The following LINGO2 variants were observed in gnomAD, a reference collection of about 807,000 sequenced individuals.
LINGO2 encodes the protein leucine rich repeat and Ig domain containing 2, also known as leucine-rich repeat and immunoglobulin-like domain-containing nogo receptor-interacting protein 2.
Under a neutral mutation model 30.6 loss-of-function variants are expected in LINGO2, and 14 were observed. The ratio of observed to expected loss-of-function variants is 0.46; its 90% CI spans 0.30 to 0.72. LINGO2 has a LOEUF of 0.72. LINGO2 is among the 30% of genes least tolerant of loss of function. The probability of loss-of-function intolerance (pLI) is 0.07; values close to 1 mark genes in which losing one functional copy is unlikely to be tolerated. For missense variants in LINGO2, 729 were observed against 751.7 expected (o/e 0.97, Z 0.35); for synonymous variants, 317 against 288.5 (o/e 1.10, Z -1.00).
At chr9:28,799,810 C>T in the LINGO2 span, among the ~76,000 whole-genome samples, 1 of 152,056 alleles carries the variant, frequency 6.6e-6, no homozygotes, top group Non-Finnish European at 1.5e-5. Flanking sequence ...CATCATCATA[C>T]TCATCACTTG....
At chr9:28,459,835 G>C (rs894029868) in intron 2 of LINGO2, among the ~76,000 whole-genome samples, 3 of 151,982 alleles carry the variant, frequency 2.0e-5, no homozygotes, top group African/African-American at 7.2e-5. Context: ...TTAAAGTGAA[G>C]ACAATATGTT....
At chr9:29,062,737 A>C in the LINGO2 span, among the ~76,000 whole-genome samples, 13 of 152,200 alleles carry the variant, frequency 8.5e-5, no homozygotes, top group South Asian at 2.5e-3. Flanking sequence ...GGGAAAATGA[A>C]AAATTTCTAG....
intron 1 of LINGO2, among the ~76,000 whole-genome samples, chr9:28,599,974 GTACTCATTTATT>G (rs1304891758): frequency 6.6e-6 from 1 of 152,020 alleles, no homozygotes; most frequent in African/African-American, 2.4e-5. Context: ...TCCCAACACT[GTACTCATTTATT>G]TACAATAAAT....
At chr9:27,962,602 C>T (rs1010267259) in intron 5 of LINGO2, among the ~76,000 whole-genome samples, 4 of 152,124 alleles carry the variant, frequency 2.6e-5, no homozygotes, top group African/African-American at 9.7e-5. Context: ...GGGGTCATAT[C>T]TCATCAACTT....
the LINGO2 span, among the ~76,000 whole-genome samples, chr9:28,955,468 A>G: frequency 1.3e-5 from 2 of 152,168 alleles, no homozygotes; most frequent in South Asian, 2.1e-4. Flanking sequence ...TGAAAGCCAC[A>G]CTGACTGCTG....
At chr9:28,444,552 T>C (rs551116378) in intron 2 of LINGO2, among the ~76,000 whole-genome samples, 1 of 152,348 alleles carries the variant, frequency 6.6e-6, no homozygotes, top group East Asian at 1.9e-4. Context: ...AGTCCAGACC[T>C]TGGGGCTCCC....
intron 3 of LINGO2, among the ~76,000 whole-genome samples, chr9:28,355,145 A>G (rs1046829175): frequency 1.3e-5 from 2 of 152,162 alleles, no homozygotes; most frequent in Non-Finnish European, 2.9e-5. Flanking sequence ...ATAGACATCT[A>G]TAATTCTACT....
chr9:28,983,553 A>G, the LINGO2 span, among the ~76,000 whole-genome samples: 1 of 151,968 alleles, frequency 6.6e-6, no homozygotes, highest in Non-Finnish European at 1.5e-5. Flanking sequence ...AAATTTCAAT[A>G]ACTTGAAAGT....
intron 5 of LINGO2, among the ~76,000 whole-genome samples, chr9:27,959,837 AGTTAT>A (rs1819748607): frequency 6.6e-6 from 1 of 152,152 alleles, no homozygotes; most frequent in African/African-American, 2.4e-5. Context: ...ATTTTTTCTA[AGTTAT>A]GTTATCAATT....
intron 2 of LINGO2, among the ~76,000 whole-genome samples, chr9:28,446,559 A>C (rs1824431586): frequency 6.6e-6 from 1 of 152,174 alleles, no homozygotes; most frequent in African/African-American, 2.4e-5. Flanking sequence ...ACTAAGTCTT[A>C]TAATTTCTAT....
the LINGO2 span, among the ~76,000 whole-genome samples, chr9:29,095,577 G>A: frequency 7.2e-6 from 1 of 138,520 alleles, no homozygotes; most frequent in Admixed American, 7.4e-5. Flanking sequence ...TTTCATAGGG[G>A]CAGGCAATAA....
intron 2 of LINGO2, among the ~76,000 whole-genome samples, chr9:28,447,796 G>T (rs1372905456): frequency 6.6e-6 from 1 of 152,094 alleles, no homozygotes; most frequent in Non-Finnish European, 1.5e-5. Flanking sequence ...TACATTACTT[G>T]CTTGATATAG....
chr9:28,687,736 G>A, the LINGO2 span, among the ~76,000 whole-genome samples: 1 of 152,146 alleles, frequency 6.6e-6, no homozygotes, highest in East Asian at 1.9e-4. Flanking sequence ...AAAAAGTCCT[G>A]ACAATTATGG....
At position 28,294,618 on chromosome 9, in the gene LINGO2, G is replaced by T. The variant is rs10968455; in HGVS notation, c.-87+590C>A. Among the ~76,000 whole-genome samples, 2,421 of 152,192 alleles carry T rather than the reference G, an allele frequency of 0.016. 142 individuals are homozygous for T. In the East Asian group the frequency reaches 0.19, roughly 12 times the overall value. On this transcript the variant is annotated intron_variant, in intron 4 of 5. Transcript: ENST00000379992. ...AGTTTCCAGCATGTAATAGAAAAAG[G>T]AGATAAAAGAGTACTTGAATAAGAG...
chr9:28,702,030 T>C, the LINGO2 span, among the ~76,000 whole-genome samples: 1 of 151,930 alleles, frequency 6.6e-6, no homozygotes, highest in Non-Finnish European at 1.5e-5. Context: ...GTTGATACTT[T>C]CAGATTTTCT....
chr9:28,054,803 C>A (rs1167605991), intron 4 of LINGO2, among the ~76,000 whole-genome samples: 1 of 151,884 alleles, frequency 6.6e-6, no homozygotes, highest in African/African-American at 2.4e-5. Context: ...TTTTAATTTT[C>A]AATATTTCCT....
chr9:28,617,418 C>T (rs1460960206), intron 1 of LINGO2, among the ~76,000 whole-genome samples: 1 of 151,976 alleles, frequency 6.6e-6, no homozygotes, highest in Non-Finnish European at 1.5e-5. Context: ...GCCTCAGCCT[C>T]CCCAGTAGCT....
the LINGO2 span, among the ~76,000 whole-genome samples, chr9:29,152,221 G>T: frequency 1.3e-5 from 2 of 152,098 alleles, no homozygotes; most frequent in East Asian, 1.9e-4. Flanking sequence ...TTGTGGGAAT[G>T]AAAGTTCAGC....
intron 4 of LINGO2, among the ~76,000 whole-genome samples, chr9:28,109,909 G>A (rs955142044): frequency 6.6e-6 from 1 of 152,090 alleles, no homozygotes; most frequent in African/African-American, 2.4e-5. Flanking sequence ...AATTTCATAT[G>A]GAACCAAAAC....
Sources: allele counts gnomAD v4.1 joint callset (sites outside exome capture counted in the v4.1 genomes callset), GRCh38; gene constraint gnomAD v4.1.1; transcripts MANE v1.5; gene names NCBI Gene and HGNC (gene_info 2026-07-23, HGNC 2026-07-21).